Variants in EML5 observed in about 807,000 individuals in gnomAD.
The protein encoded by EML5 is echinoderm microtubule-associated protein-like 5.
Under a neutral mutation model 250.0 loss-of-function variants are expected in EML5, and 120 were observed. The ratio of observed to expected loss-of-function variants is 0.48; its 90% CI spans 0.41 to 0.56. The LOEUF is 0.56. Ranked by LOEUF, EML5 falls within the 20% of genes least tolerant of loss-of-function variation. EML5 has a pLI of 0.00. For missense variants in EML5, 2,006 were observed against 2,437.6 expected (o/e 0.82, Z 3.73); for synonymous variants, 771 against 806.5 (o/e 0.96, Z 0.75).
rs546020841 is a variant in EML5 at position 88,764,900 on chromosome 14, T to C, written c.198-10229A>G. Among the ~76,000 whole-genome samples, 3 of 152,324 alleles carry C rather than the reference T, an allele frequency of 2.0e-5. No homozygotes were observed. In the South Asian group the frequency reaches 6.2e-4, roughly 32 times the overall value. ...TATATGATTTCAATTCTTTTAAATT[T>C]GTTAAGGTTTGTTTTATAATATATA... On this transcript the variant is annotated intron_variant, in intron 1 of 43. Transcript: ENST00000554922.
intron 14 of EML5, among the ~76,000 whole-genome samples, chr14:88,698,629 T>TCC (rs1216717698): frequency 6.6e-6 from 1 of 152,102 alleles, no homozygotes; most frequent in African/African-American, 2.4e-5. Context: ...TACAAACCTC[T>TCC]CCCAAGGTGG....
At chr14:88,712,018 G>A (rs1018417233) in intron 10 of EML5, among the ~76,000 whole-genome samples, 4 of 151,336 alleles carry the variant, frequency 2.6e-5, no homozygotes, top group African/African-American at 4.9e-5. Context: ...AAAGAAAAAC[G>A]TTTCTTTGAA....
chr14:88,741,296 GAA>G (rs1294796100), intron 4 of EML5, among the ~76,000 whole-genome samples: 1 of 151,982 alleles, frequency 6.6e-6, no homozygotes, highest in East Asian at 1.9e-4. Flanking sequence ...TTAAGGATAG[GAA>G]AAAAAGAGTA....
In EML5 at chr14:88,648,740, C is replaced by T. The variant is rs149916770; in HGVS notation, c.4019+1172G>A. ...CTAGCCCATTATAAACTATCCAAGT[C>T]TCCTTTAAAATGTAGAGATCAGTAC... On this transcript the variant is annotated intron_variant, in intron 28 of 43. Transcript: ENST00000554922. Among the ~76,000 whole-genome samples, 444 of 152,222 alleles carry T rather than the reference C, an allele frequency of 2.9e-3. 3 individuals are homozygous for T. The highest frequency in any genetic ancestry group is 0.01 in the African/African-American group (430 of 41,524).
At position 88,792,357 on chromosome 14, in the gene EML5, C is replaced by A; in HGVS notation, c.147G>T (p.Pro49=). The A allele has an allele frequency of 6.4e-7, 1 of 1,568,154 alleles. No individual in the cohort carries two copies. Among genetic ancestry groups the A allele is most frequent in the East Asian group, 2.4e-5 (1 of 41,834 alleles). The part of the protein sequence containing the change: ...FVAGVGVVYS[P]REHRQKFYRG... Reference sequence around the variant, plus strand: ...GGTAGAACTTCTGCCTGTGCTCCCGCGGGCTGTACACCACGCCGACCCCCG... The same window carrying A: ...GGTAGAACTTCTGCCTGTGCTCCCGAGGGCTGTACACCACGCCGACCCCCG... Residue 49 remains proline (P), a synonymous_variant, in exon 1 of 44, where the codon CCG becomes CCT. Transcript: ENST00000554922. The surrounding 1 kb of genome is among the most constrained non-coding windows in gnomAD (Gnocchi z 6.9).
Position 88,614,666 on chromosome 14 carries a change from TA to T in EML5, c.*1151del, listed in dbSNP as rs2087316314. ...TTTTCAATCTTCAGGAAACTACAGA[TA>T]GGCTAGACAGCGAATTCCTGAATGA... On this transcript the variant is annotated 3_prime_UTR_variant, in exon 44 of 44. Transcript: ENST00000554922. 1 of 152,208 alleles carries T rather than the reference TA, an allele frequency of 6.6e-6. No individual in the cohort carries two copies. Among genetic ancestry groups the T allele is most frequent in the African/African-American group, 2.4e-5 (1 of 41,466 alleles). 9.4% of individuals were successfully genotyped at this position (152,208 alleles called of 1,614,324 possible).
rs2090613606 is a variant in EML5 at position 88,634,506 on chromosome 14, T to G, written c.4337-17A>C. 2.1e-6 allele frequency: 3 copies of G among 1,407,596 alleles called. No homozygotes were observed. Among genetic ancestry groups the G allele is most frequent in the Non-Finnish European group, 2.9e-6 (3 of 1,050,282 alleles). The allele number at this position is 1,407,596 out of a possible 1,614,324, so 87.2% of individuals were successfully genotyped here. ...CTGAATCACCTATAATGGAAAATAA[T>G]TATCTATAAATAACATAAATCTGTA... On this transcript the variant is annotated splice_polypyrimidine_tract_variant and intron_variant, in intron 32 of 43. Transcript: ENST00000554922.
intron 14 of EML5, among the ~76,000 whole-genome samples, chr14:88,700,804 T>C (rs2093192042): frequency 6.6e-6 from 1 of 152,180 alleles, no homozygotes; most frequent in African/African-American, 2.4e-5. Context: ...TAAATACAAC[T>C]GTGCATCCAA....
At chr14:88,691,526 T>C (rs2092958576) in intron 17 of EML5, among the ~76,000 whole-genome samples, 1 of 152,170 alleles carries the variant, frequency 6.6e-6, no homozygotes, top group African/African-American at 2.4e-5. Context: ...TCAGCTCACA[T>C]TATTATTGCA....
chr14:88,628,206 A>C (rs961883714), intron 33 of EML5, among the ~76,000 whole-genome samples: 1 of 152,172 alleles, frequency 6.6e-6, no homozygotes, highest in Non-Finnish European at 1.5e-5. Flanking sequence ...TTAAACACCA[A>C]GTATACATTC....
At chr14:88,668,434 GA>G (rs919788705) in intron 21 of EML5, among the ~76,000 whole-genome samples, 7 of 146,136 alleles carry the variant, frequency 4.8e-5, no homozygotes, top group African/African-American at 1.3e-4. Flanking sequence ...AAGTATTTCA[GA>G]AAAAAAAAAG....
chr14:88,665,286 T>C lies in EML5; in HGVS notation c.3277+51A>G, dbSNP rs886293459. ...TAAAAATTATACATTGATACATTTA[T>C]ACACTGCCAGACCCAAGTTAATACT... On this transcript the variant is annotated intron_variant, in intron 22 of 43. Coordinates refer to ENST00000554922, the MANE Select transcript of EML5 (RefSeq NM_183387.3). The C allele has an allele frequency of 2.8e-5, 43 of 1,543,222 alleles. No homozygotes were observed. The African/African-American group carries it at 4.8e-4, about 17-fold the overall frequency.
At chr14:88,662,897 A>C (rs570581107) in intron 24 of EML5, 134 bp downstream of exon 24, 43 of 648,480 alleles carry the variant, frequency 6.6e-5, no homozygotes, top group Non-Finnish European at 1.0e-4. Flanking sequence ...CTGACTCAAT[A>C]AACTCAATAA....
chr14:88,762,769 C>T (rs2094263785), intron 1 of EML5, among the ~76,000 whole-genome samples: 1 of 152,142 alleles, frequency 6.6e-6, no homozygotes, highest in Non-Finnish European at 1.5e-5. Context: ...AAGTAAAACA[C>T]TCCTCAGCAA....
chr14:88,658,320 A>G lies in EML5; in HGVS notation c.3744T>C (p.Tyr1248=), dbSNP rs149978940. The G allele has an allele frequency of 4.9e-3, 7,872 of 1,613,896 alleles. 29 individuals carry two copies. The highest frequency in any genetic ancestry group is 6.0e-3 in the Non-Finnish European group (7,131 of 1,179,820). ...STHVTNVRWT[Y]DDSMLVTLGG... ...CTAGGGTAACCAACATGCTGTCATC[A>G]TAAGTCCAGCGAACATTTGTGACAT... Residue 1248 remains tyrosine, a synonymous_variant, in exon 26 of 44, where the codon TAT becomes TAC. Transcript: ENST00000554922.
At chr14:88,726,479 A>T in intron 8 of EML5, 62 bp downstream of exon 8, 1 of 1,409,882 alleles carries the variant, frequency 7.1e-7, no homozygotes, top group South Asian at 1.6e-5. Context: ...TGAAGAGAAA[A>T]TTACTTATAT....
At chr14:88,713,911 C>T (rs2093447777) in intron 9 of EML5, among the ~76,000 whole-genome samples, 1 of 149,080 alleles carries the variant, frequency 6.7e-6, no homozygotes, top group Admixed American at 6.7e-5. Flanking sequence ...CATAACGGCT[C>T]ACTGCAGCCT....
chr14:88,715,211 A>G lies in EML5; in HGVS notation c.1188-16T>C. 1.5e-5 allele frequency: 23 copies of G among 1,561,532 alleles called. No individual in the cohort carries two copies. The highest frequency in any genetic ancestry group is 2.0e-5 in the Non-Finnish European group (23 of 1,154,044). Reference sequence around the variant, plus strand: ...CGTCATATCTCTGTTAAAAAGAAAAAAATGAGACTACATGAACAGAAGTCA... The same window carrying G: ...CGTCATATCTCTGTTAAAAAGAAAAGAATGAGACTACATGAACAGAAGTCA... On this transcript the variant is annotated splice_polypyrimidine_tract_variant and intron_variant, in intron 8 of 43. Transcript: ENST00000554922.
chr14:88,782,164 G>A (rs1199459914), intron 1 of EML5, among the ~76,000 whole-genome samples: 1 of 152,222 alleles, frequency 6.6e-6, no homozygotes, highest in East Asian at 1.9e-4. Flanking sequence ...GGTGGTCTCA[G>A]ATGGAGAAGA....
Sources: allele counts gnomAD v4.1 joint callset (sites outside exome capture counted in the v4.1 genomes callset), GRCh38; gene constraint gnomAD v4.1.1; non-coding constraint Gnocchi (gnomAD v3.1); transcripts MANE v1.5; gene names NCBI Gene and HGNC (gene_info 2026-07-23, HGNC 2026-07-21).